Variants in MAP4K4 observed in about 807,000 individuals in gnomAD.
MAP4K4 encodes mitogen-activated protein kinase kinase kinase kinase 4.
A neutral mutation model predicts 189.6 loss-of-function variants in MAP4K4; 38 were observed. The observed-to-expected ratio is 0.20, with a 90% CI of 0.15 to 0.26. The LOEUF (loss-of-function observed/expected upper bound fraction) is 0.26. Ranked by LOEUF, MAP4K4 falls within the 10% of genes least tolerant of loss-of-function variation. MAP4K4 has a pLI of 1.00. For missense variants in MAP4K4, 1,054 were observed against 1,726.9 expected (o/e 0.61, Z 6.91); for synonymous variants, 610 against 624.3 (o/e 0.98, Z 0.34).
chr2:101,745,972 T>TTGTGTGTGTGTGTG (rs5832985), intron 2 of MAP4K4, among the ~76,000 whole-genome samples: 49 of 146,600 alleles, frequency 3.3e-4, no homozygotes, highest in African/African-American at 1.2e-3. Flanking sequence ...CCTGTTTCCT[T>TTGTGTGTGTGTGTG]TGTGTGTGTG....
At chr2:101,890,649 G>A (rs1050500482) in intron 32 of MAP4K4, among the ~76,000 whole-genome samples, 3 of 151,980 alleles carry the variant, frequency 2.0e-5, no homozygotes, top group African/African-American at 7.3e-5. Flanking sequence ...TAGAGATGCG[G>A]TTTCACTATC....
chr2:101,759,026 G>A (rs886075464), intron 2 of MAP4K4, among the ~76,000 whole-genome samples: 81 of 151,960 alleles, frequency 5.3e-4, no homozygotes, highest in African/African-American at 1.8e-3. Context: ...CCAGCTACTC[G>A]GGAGGCTGAG....
intron 22 of MAP4K4, 58 bp downstream of exon 22, chr2:101,869,855 A>T: frequency 6.8e-7 from 1 of 1,464,608 alleles, no homozygotes; most frequent in Non-Finnish European, 9.0e-7. Flanking sequence ...CCTGCTTTCC[A>T]CTGGGACCTA....
At chr2:101,724,419 T>C (rs2054064661) in intron 2 of MAP4K4, among the ~76,000 whole-genome samples, 3 of 152,094 alleles carry the variant, frequency 2.0e-5, no homozygotes, top group Non-Finnish European at 4.4e-5. Context: ...GAGGGATGGG[T>C]CAGTATGGGC....
chr2:101,885,136 A>T (rs2098462801), intron 28 of MAP4K4, 51 bp from the exon 29 acceptor site: 2 of 950,688 alleles, frequency 2.1e-6, no homozygotes, highest in Admixed American at 4.2e-5. Flanking sequence ...TTAGAGGGCT[A>T]TGTTGATACT....
intron 2 of MAP4K4, among the ~76,000 whole-genome samples, chr2:101,727,701 G>T (rs552504194): frequency 6.6e-6 from 1 of 152,238 alleles, no homozygotes; most frequent in Non-Finnish European, 1.5e-5. Context: ...GGGCACAGTG[G>T]CTCATGCCTG....
exon 19 of MAP4K4, chr2:101,866,571 G>C (rs769597443): frequency 6.2e-7 from 1 of 1,612,970 alleles, no homozygotes; most frequent in Admixed American, 1.7e-5. Flanking sequence ...GAACGCTTCA[G>C]AGTGAGATGT....
intron 2 of MAP4K4, among the ~76,000 whole-genome samples, chr2:101,785,172 A>G (rs575830230): frequency 6.8e-4 from 104 of 152,326 alleles, no homozygotes; most frequent in African/African-American, 2.4e-3. Context: ...TTTACCTTAC[A>G]TAGTATCATA....
At chr2:101,845,872 A>G (rs2097093583) in intron 12 of MAP4K4, among the ~76,000 whole-genome samples, 1 of 152,230 alleles carries the variant, frequency 6.6e-6, no homozygotes, top group Admixed American at 6.5e-5. Flanking sequence ...ATGGGCCAAC[A>G]ACAGTAAAGC....
At chr2:101,763,529 G>C (rs1380816381) in intron 2 of MAP4K4, among the ~76,000 whole-genome samples, 1 of 152,138 alleles carries the variant, frequency 6.6e-6, no homozygotes. Flanking sequence ...ATTGATTAAA[G>C]AATTAACCAG....
intron 2 of MAP4K4, among the ~76,000 whole-genome samples, chr2:101,745,460 T>G: frequency 7.6e-6 from 1 of 131,264 alleles, no homozygotes. Context: ...AAAAAAAAAG[T>G]ATTAGAATCT....
intron 3 of MAP4K4, among the ~76,000 whole-genome samples, chr2:101,795,234 G>A (rs745662790): frequency 1.3e-5 from 2 of 152,264 alleles, no homozygotes; most frequent in African/African-American, 2.4e-5. Context: ...TGAATATTCT[G>A]TTCATGAGCA....
At position 101,868,057 on chromosome 2, in the gene MAP4K4, A is replaced by C; in HGVS notation, c.2463+20A>C. ...GAAGTGGTAAGCGCCATCTCTGAAA[A>C]GTTCCACTTCAGAGCAGCACTCCGA... On this transcript the variant is annotated intron_variant, in intron 21 of 32. Coordinates refer to ENST00000324219, the Ensembl canonical transcript of MAP4K4. The C allele has an allele frequency of 6.2e-7, 1 of 1,611,100 alleles. No individual in the cohort carries two copies. The highest frequency in any genetic ancestry group is 8.5e-7 in the Non-Finnish European group (1 of 1,178,668).
At chr2:101,698,413 T>A in intron 1 of MAP4K4, 60 bp from the exon 2 acceptor site, 1 of 1,434,522 alleles carries the variant, frequency 7.0e-7, no homozygotes, top group South Asian at 1.1e-5. Flanking sequence ...CTGCCTTGCT[T>A]GATTTATTCA....
intron 2 of MAP4K4, among the ~76,000 whole-genome samples, chr2:101,754,757 A>G (rs191677471): frequency 7.0e-4 from 106 of 152,354 alleles, no homozygotes; most frequent in African/African-American, 2.3e-3. Context: ...CTGGCTGTCA[A>G]TAAAAGAAAT....
intron 3 of MAP4K4, among the ~76,000 whole-genome samples, chr2:101,800,548 G>C (rs1053763720): frequency 2.0e-5 from 3 of 152,058 alleles, no homozygotes; most frequent in Non-Finnish European, 4.4e-5. Context: ...TAATTTGTTG[G>C]CTAGTTTTAA....
At chr2:101,848,194 C>T (rs770372461) in intron 12 of MAP4K4, among the ~76,000 whole-genome samples, 3 of 152,178 alleles carry the variant, frequency 2.0e-5, no homozygotes, top group African/African-American at 7.2e-5. Flanking sequence ...TACTTTATAT[C>T]ATCTCTGGAT....
chr2:101,867,952 C>T, intron 20 of MAP4K4, 77 bp from the exon 21 acceptor site: 1 of 1,439,842 alleles, frequency 6.9e-7, no homozygotes. Context: ...CCCCTTCTTT[C>T]TCCCGCGCTT....
chr2:101,709,569 T>C (rs1383597646), intron 2 of MAP4K4, among the ~76,000 whole-genome samples: 3 of 152,194 alleles, frequency 2.0e-5, no homozygotes, highest in African/African-American at 7.2e-5. Context: ...CTATTCACTA[T>C]CAGCGAGGTC....
Sources: gnomAD v4.1 joint callset for allele counts (sites outside exome capture counted in the v4.1 genomes callset) on GRCh38, gnomAD v4.1.1 for gene constraint, MANE v1.5 for transcripts, NCBI Gene and HGNC (gene_info 2026-07-23, HGNC 2026-07-21) for gene names.